MAN2A1: variants seen among roughly 807,000 people sequenced by gnomAD.
MAN2A1 encodes the protein mannosidase alpha class 2A member 1, also known as alpha-mannosidase 2.
A neutral mutation model predicts 142.6 loss-of-function variants in MAN2A1; 76 were observed. That is an observed-to-expected ratio of 0.53 (90% CI 0.44 to 0.65). MAN2A1 has a LOEUF of 0.65. MAN2A1 is among the 30% of genes least tolerant of loss of function. The pLI is 0.00. For missense variants in MAN2A1, 1,311 were observed against 1,365.1 expected (o/e 0.96, Z 0.62); for synonymous variants, 559 against 473.2 (o/e 1.18, Z -2.35).
At position 109,767,515 on chromosome 5, in the gene MAN2A1, C is replaced by T; in HGVS notation, c.836-20C>T. On this transcript the variant is annotated intron_variant, in intron 5 of 21. Transcript: ENST00000261483. ...CATATATCAATTAAAAAAATTAACACTTATCATCTTTATCCACAGGAGTGA... is the reference window on the plus strand; with the variant it reads ...CATATATCAATTAAAAAAATTAACATTTATCATCTTTATCCACAGGAGTGA... The T allele has an allele frequency of 1.9e-6, 3 of 1,598,384 alleles. No individual in the cohort carries two copies. Among genetic ancestry groups the T allele is most frequent in the Non-Finnish European group, 2.6e-6 (3 of 1,173,736 alleles).
chr5:109,841,287 C>T (rs1330006070), intron 16 of MAN2A1, among the ~76,000 whole-genome samples: 2 of 152,148 alleles, frequency 1.3e-5, no homozygotes, highest in African/African-American at 2.4e-5. Context: ...TCTTTTATCC[C>T]TCGCCCCCCT....
intron 1 of MAN2A1, among the ~76,000 whole-genome samples, chr5:109,705,332 A>G (rs910893765): frequency 2.0e-5 from 3 of 152,150 alleles, no homozygotes; most frequent in African/African-American, 7.2e-5. Flanking sequence ...AAAGATGTTG[A>G]TGCTGCTTTT....
chr5:109,759,947 CTATATATATATA>C (rs141976116), intron 5 of MAN2A1, among the ~76,000 whole-genome samples: 6 of 104,250 alleles, frequency 5.8e-5, no homozygotes, highest in South Asian at 5.1e-4. Flanking sequence ...TGAATTGTTG[CTATATATATATA>C]TATATAGATA....
intron 20 of MAN2A1, among the ~76,000 whole-genome samples, chr5:109,856,177 A>AT (rs557052452): frequency 1.3e-5 from 2 of 151,838 alleles, no homozygotes; most frequent in Admixed American, 6.6e-5. Flanking sequence ...AAAAAATATA[A>AT]TTTTTTTTTC....
intron 5 of MAN2A1, among the ~76,000 whole-genome samples, chr5:109,759,844 T>G (rs13187428): frequency 0.36 from 55,383 of 151,866 alleles, 10,595 homozygotes; most frequent in African/African-American, 0.49. Flanking sequence ...ATTTCTATGA[T>G]GACTAATGAT....
chr5:109,700,878 A>G (rs945093423), intron 1 of MAN2A1, among the ~76,000 whole-genome samples: 8 of 152,218 alleles, frequency 5.3e-5, no homozygotes, highest in African/African-American at 1.9e-4. Context: ...GTTAGGTAAT[A>G]TGGAAATTGT....
chr5:109,742,129 G>A (rs750812994), intron 4 of MAN2A1, among the ~76,000 whole-genome samples: 1 of 152,200 alleles, frequency 6.6e-6, no homozygotes, highest in Non-Finnish European at 1.5e-5. Flanking sequence ...CACACAGCAT[G>A]TTACATATTC....
chr5:109,759,389 A>G (rs1582868080), intron 5 of MAN2A1, among the ~76,000 whole-genome samples: 2 of 152,264 alleles, frequency 1.3e-5, no homozygotes, highest in Middle Eastern at 6.8e-3. Flanking sequence ...TAGAAATACA[A>G]TTGATTTTTG....
Position 109,690,504 on chromosome 5 carries a change from T to A in MAN2A1, c.87T>A (p.Gly29=), listed in dbSNP as rs149381969. 820 of 1,613,370 alleles carry A rather than the reference T, an allele frequency of 5.1e-4. 3 individuals carry two copies. Among genetic ancestry groups the A allele is most frequent in the Non-Finnish European group, 6.4e-4 (754 of 1,179,736 alleles). The change falls in exon 1 of 22, where the codon GGT becomes GGA. Residue 29 remains glycine, a synonymous_variant. Transcript: ENST00000261483. The part of the protein sequence containing the change: ...IFSLYLMLDR[G]HLDYPRNPRR... ...CGCTCTACCTGATGCTGGACCGGGG[T>A]CACTTAGACTACCCCAGGAACCCGC...
intron 16 of MAN2A1, among the ~76,000 whole-genome samples, chr5:109,834,758 C>T (rs1450754211): frequency 1.3e-5 from 2 of 151,992 alleles, no homozygotes; most frequent in East Asian, 3.8e-4. Flanking sequence ...ATGAAATTTA[C>T]TAAAATTTGT....
At chr5:109,864,587 T>C (rs1306820746) in intron 20 of MAN2A1, 7 of 153,332 alleles carry the variant, frequency 4.6e-5, no homozygotes, top group African/African-American at 1.7e-4. Flanking sequence ...TAATGTTCAA[T>C]AAAGAAGCAT....
intron 1 of MAN2A1, among the ~76,000 whole-genome samples, chr5:109,693,192 C>T (rs948021212): frequency 6.6e-6 from 1 of 152,068 alleles, no homozygotes; most frequent in African/African-American, 2.4e-5. Context: ...TATACCCTTC[C>T]CAGAATGTCT....
At chr5:109,838,339 A>C (rs1755111978) in intron 16 of MAN2A1, among the ~76,000 whole-genome samples, 1 of 152,198 alleles carries the variant, frequency 6.6e-6, no homozygotes, top group Non-Finnish European at 1.5e-5. Flanking sequence ...CCTAGTGACT[A>C]ATCTTGTAAA....
At chr5:109,755,163 AG>A (rs1752655681) in intron 4 of MAN2A1, among the ~76,000 whole-genome samples, 165 bp from the exon 5 acceptor site, 1 of 152,192 alleles carries the variant, frequency 6.6e-6, no homozygotes. Flanking sequence ...TGCTATCATG[AG>A]GTCTTGAAGT....
chr5:109,815,428 C>T (rs983085970), intron 12 of MAN2A1, among the ~76,000 whole-genome samples: 1 of 152,138 alleles, frequency 6.6e-6, no homozygotes, highest in African/African-American at 2.4e-5. Flanking sequence ...TATGTGGTTT[C>T]ATCTGTTCAT....
chr5:109,793,709 T>C (rs1361037696), intron 12 of MAN2A1, among the ~76,000 whole-genome samples: 1 of 152,196 alleles, frequency 6.6e-6, no homozygotes, highest in Non-Finnish European at 1.5e-5. Context: ...AAATTTCAGA[T>C]TGCATCTCAG....
intron 4 of MAN2A1, among the ~76,000 whole-genome samples, chr5:109,732,302 T>C (rs920606398): frequency 1.3e-5 from 2 of 151,872 alleles, no homozygotes; most frequent in African/African-American, 2.4e-5. Context: ...TTTTCTCCCA[T>C]TTTGTAGGTT....
chr5:109,827,939 A>C (rs552335048), intron 16 of MAN2A1, among the ~76,000 whole-genome samples: 1 of 152,250 alleles, frequency 6.6e-6, no homozygotes, highest in East Asian at 1.9e-4. Flanking sequence ...CCCCGTCTCT[A>C]CTAAAAATAC....
chr5:109,760,533 G>T (rs1267532292), intron 5 of MAN2A1, among the ~76,000 whole-genome samples: 3 of 152,070 alleles, frequency 2.0e-5, no homozygotes, highest in Non-Finnish European at 2.9e-5. Context: ...GGTATTTCTG[G>T]TTCTAGGTAC....
Sources: gnomAD v4.1 joint callset for allele counts (sites outside exome capture counted in the v4.1 genomes callset) on GRCh38, gnomAD v4.1.1 for gene constraint, MANE v1.5 for transcripts, NCBI Gene and HGNC (gene_info 2026-07-23, HGNC 2026-07-21) for gene names.